The following ZNF605 variants were observed in gnomAD, a reference collection of about 807,000 sequenced individuals.
The protein encoded by ZNF605 is zinc finger protein 605.
ZNF605 carries 9 observed loss-of-function variants against 7.9 expected under a neutral mutation model. The ratio of observed to expected loss-of-function variants is 1.14; its 90% CI spans 0.68 to 1.98. The LOEUF (loss-of-function observed/expected upper bound fraction) is 1.98, where lower values mean the gene tolerates loss of function less well. Among genes scored for constraint, ZNF605 ranks in the 30% most tolerant of loss-of-function variants. The pLI is 0.00. For missense variants in ZNF605, 673 were observed against 762.4 expected (o/e 0.88, Z 1.38); for synonymous variants, 255 against 260.1 (o/e 0.98, Z 0.19).
chr12:132,921,450 G>A lies in ZNF605; in HGVS notation c.*3923C>T, dbSNP rs1436026566. On this transcript the variant is annotated 3_prime_UTR_variant, in exon 5 of 5. Coordinates refer to ENST00000360187, the MANE Select transcript of ZNF605 (RefSeq NM_183238.4). ...TATGGCAAAATAAAGGGGGGCATGG[G>A]AGAATCCTGATGGTGGAAATCATTT... The A allele has an allele frequency of 6.6e-6, 1 of 152,192 alleles. No individual in the cohort carries two copies. Among genetic ancestry groups the A allele is most frequent in the African/African-American group, 2.4e-5 (1 of 41,458 alleles). The allele number at this position is 152,192 out of a possible 1,614,324, so 9.4% of individuals were successfully genotyped here.
intron 1 of ZNF605, among the ~76,000 whole-genome samples, chr12:132,950,992 ACACG>A (rs1952556758): frequency 6.6e-6 from 1 of 151,970 alleles, no homozygotes; most frequent in Non-Finnish European, 1.5e-5. Flanking sequence ...CATGTACATC[ACACG>A]CAGACATGTA....
At chr12:132,943,101 G>A (rs1181044878) in intron 3 of ZNF605, among the ~76,000 whole-genome samples, 35 of 152,112 alleles carry the variant, frequency 2.3e-4, no homozygotes, top group Admixed American at 1.8e-3. Context: ...GGTGGCTCAC[G>A]TCTGTAATCC....
At position 132,929,669 on chromosome 12, in the gene ZNF605, G is replaced by A. The variant is rs897267389; in HGVS notation, c.137-2507C>T. ...GATTAAAAATATGTCTATCCAGGCCGGGTGCGGTGGCTCACGTCTGTAATC... is the reference window on the plus strand; with the variant it reads ...GATTAAAAATATGTCTATCCAGGCCAGGTGCGGTGGCTCACGTCTGTAATC... On this transcript the variant is annotated intron_variant, in intron 4 of 4. Coordinates refer to ENST00000360187, the MANE Select transcript of ZNF605 (RefSeq NM_183238.4). Among the ~76,000 whole-genome samples, 26 of 152,196 alleles carry A rather than the reference G, an allele frequency of 1.7e-4. No individual in the cohort carries two copies. In the East Asian group the frequency reaches 3.3e-3, roughly 19 times the overall value.
chr12:132,935,892 TAAAAA>T lies in ZNF605; in HGVS notation c.16-2742_16-2738del, dbSNP rs146610476. On this transcript the variant is annotated intron_variant, in intron 3 of 4. Coordinates refer to ENST00000360187, the MANE Select transcript of ZNF605 (RefSeq NM_183238.4). The stretch of plus-strand genomic sequence containing the variant: ...TGGGTGACAGAGTGAGACTCTGTCT[TAAAAA>T]AAAAAAAAAAAAAATTAGCCGGGCG... 1.3e-4 allele frequency among the ~76,000 whole-genome samples: 13 copies of T among 98,300 alleles called. 1 individual carries two copies. Among genetic ancestry groups the T allele is most frequent in the African/African-American group, 5.4e-4 (13 of 24,226 alleles). The allele number at this position is 98,300 out of a possible 152,430, so 64.5% of individuals were successfully genotyped here. A position where few individuals can be genotyped will look rare whatever the true frequency, so the allele number is the denominator to read the frequency against.
intron 3 of ZNF605, among the ~76,000 whole-genome samples, chr12:132,938,560 C>T (rs1038013749): frequency 5.3e-5 from 8 of 152,324 alleles, no homozygotes; most frequent in African/African-American, 9.6e-5. Context: ...CTCAGCCTCC[C>T]GAAGTGCTGG....
intron 1 of ZNF605, among the ~76,000 whole-genome samples, chr12:132,948,922 G>A (rs1348841426): frequency 3.3e-5 from 5 of 152,186 alleles, no homozygotes; most frequent in African/African-American, 1.2e-4. Flanking sequence ...GCTCACGCCT[G>A]GCACCTGCGG....
At chr12:132,928,126 GAGA>G (rs34078035) in intron 4 of ZNF605, among the ~76,000 whole-genome samples, 65,120 of 151,736 alleles carry the variant, frequency 0.43, 14,831 homozygotes, top group Middle Eastern at 0.55. Context: ...CAGAAGATCA[GAGA>G]AGAAGTGAGG....
chr12:132,927,999 G>T (rs1347869784), intron 4 of ZNF605, among the ~76,000 whole-genome samples: 1 of 152,150 alleles, frequency 6.6e-6, no homozygotes, highest in Non-Finnish European at 1.5e-5. Flanking sequence ...TATACTCAAA[G>T]AACAGTGATC....
chr12:132,929,630 T>C (rs1952285472), intron 4 of ZNF605, among the ~76,000 whole-genome samples: 1 of 152,094 alleles, frequency 6.6e-6, no homozygotes, highest in Non-Finnish European at 1.5e-5. Flanking sequence ...TAAATTAAAA[T>C]CAAATCAAGA....
intron 4 of ZNF605, among the ~76,000 whole-genome samples, chr12:132,929,809 G>A (rs1952288278): frequency 6.6e-6 from 1 of 152,144 alleles, no homozygotes; most frequent in Non-Finnish European, 1.5e-5. Context: ...GCTGGGCGTG[G>A]TGGTGTGCGC....
At chr12:132,942,685 A>C (rs942384175) in intron 3 of ZNF605, among the ~76,000 whole-genome samples, 1 of 152,142 alleles carries the variant, frequency 6.6e-6, no homozygotes, top group East Asian at 1.9e-4. Flanking sequence ...CTGGGATTGC[A>C]CTCAGGACCT....
At chr12:132,937,359 CAAAAAAA>C (rs56281488) in intron 3 of ZNF605, among the ~76,000 whole-genome samples, 1 of 86,786 alleles carries the variant, frequency 1.2e-5, no homozygotes, top group African/African-American at 4.5e-5. Flanking sequence ...AACTCTGTCT[CAAAAAAA>C]AAAAAAAAAA....
At chr12:132,927,377 AT>A (rs1952257188) in intron 4 of ZNF605, among the ~76,000 whole-genome samples, 1 of 152,042 alleles carries the variant, frequency 6.6e-6, no homozygotes, top group South Asian at 2.1e-4. Flanking sequence ...GTTTATATAT[AT>A]TTTTTTGAGA....
chr12:132,945,042 C>T, intron 3 of ZNF605: 1 of 256,756 alleles, frequency 3.9e-6, no homozygotes. Flanking sequence ...GGCTGGAGTG[C>T]ACTGATGCGA....
At position 132,920,783 on chromosome 12, in the gene ZNF605, G is replaced by A. The variant is rs901022399; in HGVS notation, c.*4590C>T. On this transcript the variant is annotated 3_prime_UTR_variant, in exon 5 of 5. Coordinates refer to ENST00000360187, the MANE Select transcript of ZNF605 (RefSeq NM_183238.4). ...ACTCCTGGGCTCAAGTGACCCTTCT[G>A]CCTCAGCTTCCCAAGTAGCTGGGAT... The A allele has an allele frequency of 1.3e-5, 2 of 152,122 alleles. No individual in the cohort carries two copies. Among genetic ancestry groups the A allele is most frequent in the African/African-American group, 4.8e-5 (2 of 41,414 alleles). 9.4% of individuals were successfully genotyped at this position (152,122 alleles called of 1,614,324 possible). A position where few individuals can be genotyped will look rare whatever the true frequency, so the allele number is the denominator to read the frequency against.
At position 132,933,275 on chromosome 12, in the gene ZNF605, A is replaced by G. The variant is rs973498763; in HGVS notation, c.16-120T>C. On this transcript the variant is annotated intron_variant, in intron 3 of 4. Transcript: ENST00000360187. The surrounding 1 kb of genome is among the most constrained non-coding windows in gnomAD (Gnocchi z 4.4). ...GGCCCCAGTGACCTCTGACTCCGGT[A>G]TTCATGCTTTTGCATAATCCTCCCC... 1.6e-4 allele frequency: 188 copies of G among 1,162,440 alleles called. No individual in the cohort carries two copies. Among genetic ancestry groups the G allele is most frequent in the Non-Finnish European group, 1.8e-4 (154 of 842,954 alleles). 72.0% of individuals were successfully genotyped at this position (1,162,440 alleles called of 1,614,324 possible). A position where few individuals can be genotyped will look rare whatever the true frequency, so the allele number is the denominator to read the frequency against.
At chr12:132,935,056 G>T (rs1952350016) in intron 3 of ZNF605, among the ~76,000 whole-genome samples, 1 of 152,142 alleles carries the variant, frequency 6.6e-6, no homozygotes, top group African/African-American at 2.4e-5. Flanking sequence ...GAGAGGGAGT[G>T]GGAGCGGTGG....
intron 3 of ZNF605, among the ~76,000 whole-genome samples, chr12:132,939,978 A>C (rs1322274243): frequency 7.9e-5 from 12 of 152,004 alleles, no homozygotes; most frequent in African/African-American, 2.9e-4. Context: ...ACCAGAAGGA[A>C]GAAACTCCGA....
At chr12:132,938,915 T>C (rs9669297) in intron 3 of ZNF605, among the ~76,000 whole-genome samples, 57,587 of 151,692 alleles carry the variant, frequency 0.38, 11,904 homozygotes, top group Middle Eastern at 0.52. Flanking sequence ...CTGCGGAGGG[T>C]GTACTGGGTC....
Sources: gnomAD v4.1 joint callset for allele counts (sites outside exome capture counted in the v4.1 genomes callset) on GRCh38, gnomAD v4.1.1 for gene constraint, Gnocchi (gnomAD v3.1) non-coding constraint, MANE v1.5 for transcripts, NCBI Gene and HGNC (gene_info 2026-07-23, HGNC 2026-07-21) for gene names.